RTL4: variants seen among roughly 807,000 people sequenced by gnomAD.
The protein encoded by RTL4 is retrotransposon Gag like 4.
In RTL4, 4 loss-of-function variants were observed where a neutral mutation model predicts 5.3. That is an observed-to-expected ratio of 0.75 (90% CI 0.37 to 1.72). The LOEUF (loss-of-function observed/expected upper bound fraction) is 1.72. RTL4 is among the 40% of genes most tolerant of loss of function. RTL4 has a pLI of 0.04. For synonymous variants in RTL4, 98 were observed against 87.3 expected, an observed-to-expected ratio of 1.12 and a Z score of -0.68; for missense variants, 260 against 227.1, an observed-to-expected ratio of 1.14 and a Z score of -0.93.
At chrX:112,088,751 C>T in the RTL4 span, among the ~76,000 whole-genome samples, 1 of 112,354 alleles carries the variant, frequency 8.9e-6, no homozygotes, top group Admixed American at 9.4e-5. Context: ...TTACAGCCAT[C>T]CTAGCATGTG....
the RTL4 span, among the ~76,000 whole-genome samples, chrX:112,358,153 C>T: frequency 2.1e-4 from 23 of 110,505 alleles, no homozygotes; most frequent in Admixed American, 1.8e-3. Flanking sequence ...CTGTTGTCCA[C>T]GCTGTGGCAT....
chrX:112,169,611 G>T, the RTL4 span, among the ~76,000 whole-genome samples: 1 of 111,629 alleles, frequency 9.0e-6, no homozygotes, highest in Non-Finnish European at 1.9e-5. Flanking sequence ...CAATCTACTG[G>T]CAAACTTATA....
upstream of RTL4, among the ~76,000 whole-genome samples, chrX:112,452,063 T>C (rs762721658): frequency 1.7e-3 from 178 of 106,362 alleles, no homozygotes; most frequent in Non-Finnish European, 3.1e-3. Flanking sequence ...AAAGCTGGAG[T>C]GAACAGCAAA....
the RTL4 span, among the ~76,000 whole-genome samples, chrX:112,105,929 AGT>A: frequency 1.8e-5 from 2 of 111,741 alleles, no homozygotes; most frequent in South Asian, 7.4e-4. Flanking sequence ...GAATGGAAGC[AGT>A]GAGAGTGGGC....
the RTL4 span, among the ~76,000 whole-genome samples, chrX:112,199,665 C>G: frequency 9.0e-6 from 1 of 111,614 alleles, no homozygotes; most frequent in African/African-American, 3.3e-5. Flanking sequence ...TTAGGCTTGT[C>G]ACAAGACTAA....
the RTL4 span, among the ~76,000 whole-genome samples, chrX:112,290,560 A>G: frequency 8.9e-6 from 1 of 111,847 alleles, no homozygotes; most frequent in East Asian, 2.8e-4. Flanking sequence ...TCCCACTTGT[A>G]CTGTTCAGTA....
the RTL4 span, among the ~76,000 whole-genome samples, chrX:112,110,078 A>G: frequency 1.8e-5 from 2 of 112,177 alleles, no homozygotes; most frequent in African/African-American, 6.5e-5. Flanking sequence ...TAGAAAGGGG[A>G]GAAGCCATGT....
chrX:112,294,738 C>T, the RTL4 span, among the ~76,000 whole-genome samples: 1 of 112,370 alleles, frequency 8.9e-6, no homozygotes, highest in East Asian at 2.8e-4. Flanking sequence ...CCTTAATCTT[C>T]TGGGAATTTA....
the RTL4 span, among the ~76,000 whole-genome samples, chrX:112,329,002 C>G: frequency 9.0e-6 from 1 of 111,298 alleles, no homozygotes; most frequent in Non-Finnish European, 1.9e-5. Flanking sequence ...GGGATGCATT[C>G]AAAGCAGTGT....
At chrX:112,249,182 T>A in the RTL4 span, among the ~76,000 whole-genome samples, 1 of 112,236 alleles carries the variant, frequency 8.9e-6, no homozygotes, top group African/African-American at 3.2e-5. Flanking sequence ...CAACATCAAA[T>A]AATTCATTTA....
rs756179517 is a variant in RTL4, at chrX:112,455,645, A to G, written c.917A>G (p.Asn306Ser). Residue 306 changes from asparagine to serine, a missense_variant, in exon 1 of 1, where the codon AAC (asparagine) becomes AGC (serine). Coordinates refer to ENST00000340433, the Ensembl canonical transcript of RTL4. ...TCTCGAGCTCCGGCAACGACAAATA[A>G]CACAGCTCACCAGTAAGAGGAGACC... The G allele has an allele frequency of 2.5e-6, 3 of 1,206,816 alleles. No individual in the cohort carries two copies. The Admixed American group carries it at 6.5e-5, about 26-fold the overall frequency.
At chrX:112,309,791 T>C in the RTL4 span, among the ~76,000 whole-genome samples, 5 of 106,468 alleles carry the variant, frequency 4.7e-5, no homozygotes, top group African/African-American at 1.1e-4. Flanking sequence ...CACATATATA[T>C]ACACACACAC....
the RTL4 span, among the ~76,000 whole-genome samples, chrX:112,357,184 G>T: frequency 9.1e-5 from 10 of 110,381 alleles, no homozygotes; most frequent in African/African-American, 3.3e-4. Context: ...TTCCAACAAA[G>T]TGATAAAGAA....
At chrX:112,232,645 A>G in the RTL4 span, among the ~76,000 whole-genome samples, 1 of 112,006 alleles carries the variant, frequency 8.9e-6, no homozygotes, top group Admixed American at 9.5e-5. Flanking sequence ...GCTGACTTTC[A>G]GTCACTTTTA....
chrX:112,192,630 T>C, the RTL4 span, among the ~76,000 whole-genome samples: 2 of 111,773 alleles, frequency 1.8e-5, no homozygotes, highest in Non-Finnish European at 3.8e-5. Flanking sequence ...ATTTTAGTAA[T>C]ATACAAAATT....
At chrX:112,291,527 T>A in the RTL4 span, among the ~76,000 whole-genome samples, 1 of 110,560 alleles carries the variant, frequency 9.0e-6, no homozygotes. Context: ...CATAGGTCAA[T>A]ATGAAACATC....
the RTL4 span, among the ~76,000 whole-genome samples, chrX:112,237,398 C>G: frequency 1.8e-5 from 2 of 111,930 alleles, no homozygotes; most frequent in Non-Finnish European, 3.8e-5. Flanking sequence ...GACTTTTGCC[C>G]TTAGAATTCT....
At chrX:112,350,507 G>A in the RTL4 span, among the ~76,000 whole-genome samples, 1 of 110,625 alleles carries the variant, frequency 9.0e-6, no homozygotes, top group African/African-American at 3.3e-5. Flanking sequence ...ACTCTTTTTG[G>A]TTGGTAAGCT....
the RTL4 span, among the ~76,000 whole-genome samples, chrX:112,266,212 G>A: frequency 2.7e-5 from 3 of 111,016 alleles, no homozygotes; most frequent in Non-Finnish European, 5.7e-5. Flanking sequence ...GGAAAAAATG[G>A]CATTTCAAAG....
Sources: gnomAD v4.1 joint callset for allele counts (sites outside exome capture counted in the v4.1 genomes callset) on GRCh38, gnomAD v4.1.1 for gene constraint, MANE v1.5 for transcripts, NCBI Gene and HGNC (gene_info 2026-07-23, HGNC 2026-07-21) for gene names.